ANKRD36B: variants seen among roughly 807,000 people sequenced by gnomAD.
The protein encoded by ANKRD36B is ankyrin repeat domain-containing protein 36B.
A neutral mutation model predicts 135.7 loss-of-function variants in ANKRD36B; 37 were observed. The observed-to-expected ratio is 0.27, with a 90% confidence interval of 0.21 to 0.36. The LOEUF is 0.36. ANKRD36B is among the 10% of genes least tolerant of loss of function. The probability of loss-of-function intolerance (pLI) is 1.00; values close to 1 mark genes in which losing one functional copy is unlikely to be tolerated. For synonymous variants in ANKRD36B, 179 were observed against 348.1 expected (o/e 0.51, Z 5.41); for missense variants, 549 against 1,037.1 (o/e 0.53, Z 6.46).
At chr2:97,547,821 T>G in intron 20 of ANKRD36B, 90 bp from the exon 21 acceptor site, 1 of 1,500,086 alleles carries the variant, frequency 6.7e-7, no homozygotes, top group African/African-American at 1.4e-5. Context: ...AACCTCTGTC[T>G]TCCTGCCTGT....
rs1477312665 is a variant in ANKRD36B at position 97,534,382 on chromosome 2, T to C, written c.2191+1918A>G. On this transcript the variant is annotated intron_variant, in intron 34 of 43. Transcript: ENST00000359901. ...ATTAACTAATATCAACACTTCTATA[T>C]AGCTCTTATAAATTATTCCCACCAC... is the stretch of plus-strand genomic sequence containing the variant. 1.1e-4 allele frequency among the ~76,000 whole-genome samples: 11 copies of C among 96,602 alleles called. 4 individuals carry two copies. The highest frequency in any genetic ancestry group is 2.5e-4 in the Non-Finnish European group (9 of 36,318). 63.4% of individuals were successfully genotyped at this position (96,602 alleles called of 152,430 possible).
intron 8 of ANKRD36B, among the ~76,000 whole-genome samples, chr2:97,559,222 G>A (rs962548646): frequency 8.6e-5 from 13 of 151,706 alleles, no homozygotes; most frequent in African/African-American, 2.4e-4. Flanking sequence ...GGTATGATTC[G>A]TGATACATCT....
At chr2:97,551,083 C>T (rs1164466136) in intron 18 of ANKRD36B, among the ~76,000 whole-genome samples, 1 of 151,802 alleles carries the variant, frequency 6.6e-6, no homozygotes, top group Non-Finnish European at 1.5e-5. Context: ...CTCCCAGTTG[C>T]AATGTGGGGA....
intron 5 of ANKRD36B, among the ~76,000 whole-genome samples, chr2:97,576,723 T>TG (rs1215001509): frequency 3.3e-5 from 5 of 151,646 alleles, no homozygotes; most frequent in African/African-American, 1.2e-4. Context: ...TGGAAGGTCC[T>TG]GGCTCTATAG....
In ANKRD36B at chr2:97,538,488, C is replaced by A. The variant is rs185226009; in HGVS notation, c.1988-125G>T. Reference sequence around the variant, plus strand: ...TACTAGTGTAGGATTTGATGTTTTACAGTTTGTGTCTTTGGGACAGGAACA... The same window carrying A: ...TACTAGTGTAGGATTTGATGTTTTAAAGTTTGTGTCTTTGGGACAGGAACA... On this transcript the variant is annotated intron_variant, in intron 30 of 43. Transcript: ENST00000359901. 4 of 514,884 alleles carry A rather than the reference C, an allele frequency of 7.8e-6. 2 individuals are homozygous for A. In the African/African-American group the frequency reaches 8.4e-5, roughly 11 times the overall value. The allele number at this position is 514,884 out of a possible 1,614,324, so 31.9% of individuals were successfully genotyped here.
chr2:97,554,756 G>A (rs1030190346), intron 14 of ANKRD36B, among the ~76,000 whole-genome samples: 1 of 151,820 alleles, frequency 6.6e-6, no homozygotes, highest in African/African-American at 2.4e-5. Context: ...TCCACCCTTG[G>A]TGAAAACATG....
chr2:97,535,255 T>C (rs112404632), intron 34 of ANKRD36B, among the ~76,000 whole-genome samples: 1 of 101,496 alleles, frequency 9.9e-6, no homozygotes, highest in Admixed American at 8.9e-5. Flanking sequence ...TAGCATTTTA[T>C]AGCACAAAAA....
At chr2:97,529,124 C>T (rs1232790375) in intron 35 of ANKRD36B, among the ~76,000 whole-genome samples, 2 of 96,320 alleles carry the variant, frequency 2.1e-5, no homozygotes, top group African/African-American at 6.3e-5. Flanking sequence ...AGACCAATAT[C>T]CTTAGTGAAC....
At position 97,551,158 on chromosome 2, in the gene ANKRD36B, A is replaced by C. The variant is rs188275847; in HGVS notation, c.1375+131T>G. On this transcript the variant is annotated intron_variant, in intron 18 of 43. Coordinates refer to ENST00000359901, the MANE Select transcript of ANKRD36B (RefSeq NM_001393939.1). ...CAGTATCAGCATAACCCAAGAACTT[A>C]TTAGAAATGAAGAATCTCAGGCCTG... The C allele has an allele frequency of 5.4e-6, 7 of 1,288,350 alleles. No homozygotes were observed. In the East Asian group the frequency reaches 1.3e-4, roughly 23 times the overall value. 79.8% of individuals were successfully genotyped at this position (1,288,350 alleles called of 1,614,324 possible).
chr2:97,549,908 A>G (rs1189371002), intron 18 of ANKRD36B, among the ~76,000 whole-genome samples: 1 of 151,842 alleles, frequency 6.6e-6, no homozygotes, highest in Non-Finnish European at 1.5e-5. Context: ...ATGAGAACAA[A>G]TGTGATCTAA....
rs1247127719 is a variant in ANKRD36B, at chr2:97,536,102, G to A, written c.2191+198C>T. The stretch of plus-strand genomic sequence containing the variant: ...AACAAAACAAAAAAAAAAACCTTAT[G>A]TTTTAAAAATGTATTTTCCTTATGC... On this transcript the variant is annotated intron_variant, in intron 34 of 43. Coordinates refer to ENST00000359901, the MANE Select transcript of ANKRD36B (RefSeq NM_001393939.1). 2.1e-5 allele frequency among the ~76,000 whole-genome samples: 2 copies of A among 95,176 alleles called. 1 individual carries two copies. Among genetic ancestry groups the A allele is most frequent in the Non-Finnish European group, 5.6e-5 (2 of 35,830 alleles). 62.4% of individuals were successfully genotyped at this position (95,176 alleles called of 152,430 possible). A position where few individuals can be genotyped will look rare whatever the true frequency, so the allele number is the denominator to read the frequency against.
intron 8 of ANKRD36B, 68 bp from the exon 9 acceptor site, chr2:97,559,062 C>A: frequency 2.5e-6 from 4 of 1,595,922 alleles, no homozygotes; most frequent in Non-Finnish European, 3.4e-6. Context: ...ACATTCCATG[C>A]AGTGTTAGCA....
At chr2:97,547,926 T>A (rs11691967) in intron 20 of ANKRD36B, among the ~76,000 whole-genome samples, 195 bp from the exon 21 acceptor site, 84,404 of 151,536 alleles carry the variant, frequency 0.56, 25,143 homozygotes, top group Non-Finnish European at 0.67. Flanking sequence ...CCATGAAAAA[T>A]ACTCTTATAA....
intron 34 of ANKRD36B, among the ~76,000 whole-genome samples, chr2:97,534,366 T>C (rs1182337557): frequency 1.0e-5 from 1 of 96,474 alleles, no homozygotes; most frequent in East Asian, 2.3e-4. Flanking sequence ...GATTAACTAA[T>C]ATCAACACTT....
rs1334683878 is a variant in ANKRD36B at position 97,555,048 on chromosome 2, T to C, written c.1171+12A>G. ...GACTGAACATGACATTAAATGTGTT[T>C]TGCAAAATTACCTGTCCCACATTGT... On this transcript the variant is annotated intron_variant, in intron 14 of 43. Coordinates refer to ENST00000359901, the MANE Select transcript of ANKRD36B (RefSeq NM_001393939.1). The C allele has an allele frequency of 6.2e-7, 1 of 1,611,404 alleles. No individual in the cohort carries two copies. The highest frequency in any genetic ancestry group is 1.7e-5 in the Admixed American group (1 of 59,724).
At chr2:97,533,054 G>A (rs2078684805) in intron 34 of ANKRD36B, among the ~76,000 whole-genome samples, 1 of 96,826 alleles carries the variant, frequency 1.0e-5, no homozygotes, top group African/African-American at 3.1e-5. Flanking sequence ...CATTGAGCCT[G>A]CTGTTCATTA....
chr2:97,569,309 T>C (rs2442273), intron 6 of ANKRD36B, among the ~76,000 whole-genome samples: 2 of 152,206 alleles, frequency 1.3e-5, no homozygotes, highest in Admixed American at 6.5e-5. Flanking sequence ...AAATTATGTT[T>C]TGTAATATTG....
chr2:97,564,377 T>C (rs1018156240), intron 6 of ANKRD36B, among the ~76,000 whole-genome samples: 13 of 152,200 alleles, frequency 8.5e-5, no homozygotes, highest in African/African-American at 2.9e-4. Flanking sequence ...AGTTCTTTAG[T>C]TTAATTAGAT....
At position 97,578,961 on chromosome 2, in the gene ANKRD36B, G is replaced by A. The variant is rs755822592; in HGVS notation, c.640C>T (p.Arg214Ter). Residue 214 changes from arginine (R) to a stop codon, truncating the protein, a stop_gained, in exon 5 of 44, where the codon CGA (arginine) becomes TGA (stop). Transcript: ENST00000359901. LOFTEE classifies it high-confidence loss of function. Reference sequence around the variant, plus strand: ...TCTGCAAGCTTTCCATACACATCTCGAGAAAACACATCAATATTGTGCTGC... The same window carrying A: ...TCTGCAAGCTTTCCATACACATCTCAAGAAAACACATCAATATTGTGCTGC... The part of the protein sequence containing the change: ...LLQHNIDVFS[R>*]DVYGKLAEDY... 1.3e-5 allele frequency: 21 copies of A among 1,612,830 alleles called. 1 individual carries two copies. Among genetic ancestry groups the A allele is most frequent in the African/African-American group, 2.7e-5 (2 of 74,856 alleles).
Sources: allele counts gnomAD v4.1 joint callset (sites outside exome capture counted in the v4.1 genomes callset), GRCh38; gene constraint gnomAD v4.1.1; transcripts MANE v1.5; gene names NCBI Gene and HGNC (gene_info 2026-07-23, HGNC 2026-07-21).